DLC1: variants seen among roughly 807,000 people sequenced by gnomAD.
DLC1 encodes the protein DLC1 Rho GTPase activating protein, also known as rho GTPase-activating protein 7.
Under a neutral mutation model 140.3 loss-of-function variants are expected in DLC1, and 54 were observed. That is an observed-to-expected ratio of 0.38 (90% CI 0.31 to 0.48). The LOEUF (loss-of-function observed/expected upper bound fraction) is 0.48. Among genes scored for constraint, DLC1 ranks in the 20% least tolerant of loss-of-function variants. The pLI, the probability that DLC1 is intolerant of heterozygous loss-of-function variation, is 0.96. For synonymous variants in DLC1, 986 were observed against 728.1 expected (o/e 1.35, Z -5.70); for missense variants, 2,536 against 1,907.0 (o/e 1.33, Z -6.14).
At chr8:13,303,960 T>C (rs1162668068) in intron 5 of DLC1, among the ~76,000 whole-genome samples, 4 of 152,206 alleles carry the variant, frequency 2.6e-5, no homozygotes, top group Non-Finnish European at 5.9e-5. Flanking sequence ...CCATTCCTTC[T>C]TTCCCCTCCT....
chr8:13,339,582 T>C (rs968417072), intron 4 of DLC1: 1 of 152,202 alleles, frequency 6.6e-6, no homozygotes, highest in Non-Finnish European at 1.5e-5. Flanking sequence ...TGCCCTGTCA[T>C]TATGTCGCCT....
chr8:13,589,013 A>G (rs1467876831), intron 1 of DLC1, among the ~76,000 whole-genome samples: 2 of 152,094 alleles, frequency 1.3e-5, no homozygotes, highest in Non-Finnish European at 2.9e-5. Context: ...GTTCTGGACC[A>G]TATCCATTCA....
rs531687022 is a variant in DLC1 at position 13,529,102 on chromosome 8, G to T, written c.-125-28906C>A. 1.1e-4 allele frequency among the ~76,000 whole-genome samples: 16 copies of T among 152,196 alleles called. 1 individual carries two copies. The South Asian group carries it at 3.3e-3, about 32-fold the overall frequency. ...ACCAAAAAACATACGATGTATAAGC[G>T]AACAGAATAAGTGAATTAGAGGAAA... On this transcript the variant is annotated intron_variant, in intron 1 of 1. Coordinates refer to the DLC1 transcript ENST00000631382.
intron 5 of DLC1, among the ~76,000 whole-genome samples, chr8:13,256,717 C>T (rs1382465984): frequency 6.6e-6 from 1 of 151,954 alleles, no homozygotes; most frequent in African/African-American, 2.4e-5. Context: ...ACACTGGGGC[C>T]TGTTGGCGGG....
At chr8:13,224,306 T>A (rs1828687776) in intron 5 of DLC1, among the ~76,000 whole-genome samples, 1 of 152,158 alleles carries the variant, frequency 6.6e-6, no homozygotes, top group African/African-American at 2.4e-5. Context: ...AAGGGAGTCA[T>A]TTTCTGGAAG....
chr8:13,517,416 C>T (rs1395875366), upstream of DLC1, among the ~76,000 whole-genome samples: 2 of 152,136 alleles, frequency 1.3e-5, no homozygotes, highest in African/African-American at 4.8e-5. Flanking sequence ...CCCTTTTCTA[C>T]ACAAAAAATA....
upstream of DLC1, among the ~76,000 whole-genome samples, chr8:13,519,820 A>G (rs1802709150): frequency 6.6e-6 from 1 of 152,244 alleles, no homozygotes; most frequent in African/African-American, 2.4e-5. Context: ...AAAGATATGA[A>G]CAGACACTTC....
Position 13,450,847 on chromosome 8 carries a change from T to A in DLC1, c.1023+48202A>T, listed in dbSNP as rs140277480. ...GGAGGTCAAGATATTGAGACTATCC[T>A]GGCCAACATGGTGAAACCCCGTTTC... On this transcript the variant is annotated intron_variant, in intron 2 of 17. Coordinates refer to ENST00000276297, the MANE Select transcript of DLC1 (RefSeq NM_182643.3). Among the ~76,000 whole-genome samples, 125 of 151,892 alleles carry A rather than the reference T, an allele frequency of 8.2e-4. 1 individual carries two copies. In the East Asian group the frequency reaches 0.022, roughly 27 times the overall value.
chr8:13,346,618 G>A (rs1021967626), intron 4 of DLC1, among the ~76,000 whole-genome samples: 2 of 152,206 alleles, frequency 1.3e-5, no homozygotes, highest in Non-Finnish European at 2.9e-5. Flanking sequence ...GGCAAAGCAA[G>A]CATAGTTCCT....
At chr8:13,121,325 G>C (rs1036883784) in intron 5 of DLC1, among the ~76,000 whole-genome samples, 1 of 152,168 alleles carries the variant, frequency 6.6e-6, no homozygotes, top group Non-Finnish European at 1.5e-5. Flanking sequence ...TGGGAAGGAA[G>C]ATACTGCTTA....
At chr8:13,346,514 C>T (rs768310396) in intron 4 of DLC1, among the ~76,000 whole-genome samples, 1 of 152,208 alleles carries the variant, frequency 6.6e-6, no homozygotes, top group Non-Finnish European at 1.5e-5. Context: ...ATTGCCAAGT[C>T]TGTTCACAAA....
intron 5 of DLC1, among the ~76,000 whole-genome samples, chr8:13,263,458 A>G (rs1216797678): frequency 6.6e-6 from 1 of 152,106 alleles, no homozygotes; most frequent in African/African-American, 2.4e-5. Flanking sequence ...CAGTAAGATA[A>G]GAGAAATATT....
chr8:13,187,180 C>A (rs572184126), intron 5 of DLC1, among the ~76,000 whole-genome samples: 7 of 152,092 alleles, frequency 4.6e-5, no homozygotes, highest in Admixed American at 4.6e-4. Flanking sequence ...TTATTACCTT[C>A]CAATGTAAGA....
At chr8:13,321,102 A>C (rs1833086701) in intron 4 of DLC1, among the ~76,000 whole-genome samples, 1 of 152,180 alleles carries the variant, frequency 6.6e-6, no homozygotes, top group Non-Finnish European at 1.5e-5. Context: ...ATAGCGACAC[A>C]AATGGACTAA....
intron 5 of DLC1, among the ~76,000 whole-genome samples, chr8:13,181,288 T>G (rs1826016879): frequency 6.6e-6 from 1 of 151,990 alleles, no homozygotes; most frequent in African/African-American, 2.4e-5. Flanking sequence ...TTTACTCAAT[T>G]GTCACTGTCT....
intron 4 of DLC1, among the ~76,000 whole-genome samples, chr8:13,328,349 CT>C (rs1833452516): frequency 6.6e-6 from 1 of 151,088 alleles, no homozygotes; most frequent in South Asian, 2.2e-4. Flanking sequence ...GTATTCATGC[CT>C]CAGTTATATT....
intron 5 of DLC1, among the ~76,000 whole-genome samples, chr8:13,116,772 A>C (rs1020973098): frequency 1.3e-5 from 2 of 152,248 alleles, no homozygotes; most frequent in African/African-American, 4.8e-5. Context: ...ATCAATGAAC[A>C]CAGGAAAGAG....
At chr8:13,230,600 T>TC (rs1829001679) in intron 5 of DLC1, among the ~76,000 whole-genome samples, 1 of 148,306 alleles carries the variant, frequency 6.7e-6, no homozygotes, top group Non-Finnish European at 1.5e-5. Context: ...CTTTTTTCTT[T>TC]TTTTTTTTTT....
intron 5 of DLC1, among the ~76,000 whole-genome samples, chr8:13,181,193 TC>T (rs1181397199): frequency 6.6e-6 from 1 of 152,090 alleles, no homozygotes; most frequent in Non-Finnish European, 1.5e-5. Flanking sequence ...TTGCTCTCAC[TC>T]CAAAACCTTT....
Sources: gnomAD v4.1 joint callset for allele counts (sites outside exome capture counted in the v4.1 genomes callset) on GRCh38, gnomAD v4.1.1 for gene constraint, MANE v1.5 for transcripts, NCBI Gene and HGNC (gene_info 2026-07-23, HGNC 2026-07-21) for gene names.